Variants in GALNTL6 observed in about 807,000 individuals in gnomAD.
GALNTL6 encodes the protein polypeptide N-acetylgalactosaminyltransferase-like 6.
Under a neutral mutation model 73.7 loss-of-function variants are expected in GALNTL6, and 46 were observed. The ratio of observed to expected loss-of-function variants is 0.62; its 90% CI spans 0.49 to 0.80. The LOEUF (loss-of-function observed/expected upper bound fraction) is 0.80, where lower values mean the gene tolerates loss of function less well. Among genes scored for constraint, GALNTL6 ranks in the 30% least tolerant of loss-of-function variants. The pLI is 0.00. For missense variants in GALNTL6, 604 were observed against 755.0 expected, an observed-to-expected ratio of 0.80 and a Z score of 2.34; for synonymous variants, 259 against 263.7, an observed-to-expected ratio of 0.98 and a Z score of 0.17.
chr4:172,811,780 C>A (rs970759038), intron 6 of GALNTL6, among the ~76,000 whole-genome samples: 4 of 152,202 alleles, frequency 2.6e-5, no homozygotes, highest in Non-Finnish European at 5.9e-5. Context: ...CAGTATCCTG[C>A]ATTCCCCTTC....
chr4:172,975,444 A>G (rs537039609), intron 10 of GALNTL6, among the ~76,000 whole-genome samples: 1 of 152,298 alleles, frequency 6.6e-6, no homozygotes, highest in South Asian at 2.1e-4. Flanking sequence ...CGTCAGAAGA[A>G]GTGCATGCTG....
At chr4:172,595,537 A>G (rs1737819174) in intron 5 of GALNTL6, among the ~76,000 whole-genome samples, 1 of 152,194 alleles carries the variant, frequency 6.6e-6, no homozygotes, top group African/African-American at 2.4e-5. Context: ...CAATAGAGGG[A>G]AACATTCTAA....
At chr4:172,916,319 C>A (rs1747508152) in intron 8 of GALNTL6, among the ~76,000 whole-genome samples, 1 of 152,150 alleles carries the variant, frequency 6.6e-6, no homozygotes, top group African/African-American at 2.4e-5. Context: ...TGGAAGCATT[C>A]CCTTTGAAAA....
chr4:172,404,020 A>C (rs1271488221), intron 5 of GALNTL6, among the ~76,000 whole-genome samples: 2 of 151,936 alleles, frequency 1.3e-5, no homozygotes, highest in Non-Finnish European at 1.5e-5. Flanking sequence ...TTCTTTTACA[A>C]ATTTATTGCC....
At position 173,041,479 on chromosome 4, in the gene GALNTL6, G is replaced by A. The variant is rs1753882360; in HGVS notation, c.*1379G>A. On this transcript the variant is annotated 3_prime_UTR_variant, in exon 13 of 13. Coordinates refer to ENST00000506823, the MANE Select transcript of GALNTL6 (RefSeq NM_001034845.3). ...TATTATATATCTCTCAAGTTTTTTT[G>A]GTATAAAAATGTTTTAACTTTGCTT... 6.6e-6 allele frequency: 1 copy of A among 151,972 alleles called. No individual in the cohort carries two copies. Among genetic ancestry groups the A allele is most frequent in the African/African-American group, 2.4e-5 (1 of 41,400 alleles). The allele number at this position is 151,972 out of a possible 1,614,324, so 9.4% of individuals were successfully genotyped here. A position where few individuals can be genotyped will look rare whatever the true frequency, so the allele number is the denominator to read the frequency against.
At chr4:172,726,125 C>T (rs1469406385) in intron 5 of GALNTL6, among the ~76,000 whole-genome samples, 2 of 147,786 alleles carry the variant, frequency 1.4e-5, no homozygotes, top group African/African-American at 5.1e-5. Flanking sequence ...CGCTGAGGGT[C>T]CCAGTCGCTT....
intron 2 of GALNTL6, among the ~76,000 whole-genome samples, chr4:171,860,187 G>GT (rs1218178330): frequency 3.3e-5 from 5 of 152,032 alleles, no homozygotes; most frequent in East Asian, 1.9e-4. Context: ...ATTACCTTAG[G>GT]TTTTTTTCTC....
At chr4:172,607,950 C>A (rs1461580668) in intron 5 of GALNTL6, among the ~76,000 whole-genome samples, 1 of 151,788 alleles carries the variant, frequency 6.6e-6, no homozygotes, top group Non-Finnish European at 1.5e-5. Context: ...GTCATTTGTT[C>A]TTTGCATGTG....
intron 2 of GALNTL6, among the ~76,000 whole-genome samples, chr4:172,003,827 T>C (rs997324801): frequency 1.3e-5 from 2 of 152,104 alleles, no homozygotes; most frequent in Admixed American, 1.3e-4. Context: ...AGAAGGTCTT[T>C]ACACCCTACT....
chr4:172,479,952 C>A (rs188800494), intron 5 of GALNTL6, among the ~76,000 whole-genome samples: 15 of 152,260 alleles, frequency 9.9e-5, no homozygotes, highest in African/African-American at 3.4e-4. Flanking sequence ...AATAGAGGCA[C>A]TCATAGCAAA....
At chr4:172,140,275 C>T (rs963941067) in intron 2 of GALNTL6, among the ~76,000 whole-genome samples, 1 of 152,008 alleles carries the variant, frequency 6.6e-6, no homozygotes, top group Non-Finnish European at 1.5e-5. Context: ...CTTTAGGCTA[C>T]ATTCAGCAAG....
chr4:171,961,155 C>A (rs547387617), intron 2 of GALNTL6, among the ~76,000 whole-genome samples: 1 of 152,072 alleles, frequency 6.6e-6, no homozygotes, highest in African/African-American at 2.4e-5. Flanking sequence ...CCAATTGTGT[C>A]CCAAAGTCTG....
intron 2 of GALNTL6, among the ~76,000 whole-genome samples, chr4:172,208,064 T>C (rs1251044124): frequency 6.6e-6 from 1 of 152,114 alleles, no homozygotes; most frequent in Non-Finnish European, 1.5e-5. Flanking sequence ...AGTAGAATTG[T>C]GATATTTTAG....
At chr4:172,120,088 C>T (rs1733105987) in intron 2 of GALNTL6, among the ~76,000 whole-genome samples, 2 of 152,308 alleles carry the variant, frequency 1.3e-5, no homozygotes, top group South Asian at 2.1e-4. Context: ...TTTCTTCCCA[C>T]TTGACTACTT....
chr4:172,717,936 C>T (rs1056015601), intron 5 of GALNTL6, among the ~76,000 whole-genome samples: 4 of 152,208 alleles, frequency 2.6e-5, no homozygotes, highest in African/African-American at 4.8e-5. Context: ...CTACATTTTT[C>T]GTTCTAATGA....
intron 3 of GALNTL6, among the ~76,000 whole-genome samples, chr4:172,246,901 G>A (rs1038994943): frequency 1.2e-4 from 18 of 151,196 alleles, no homozygotes; most frequent in African/African-American, 4.4e-4. Context: ...AATGAGTTCT[G>A]GGGTAACCCT....
intron 2 of GALNTL6, among the ~76,000 whole-genome samples, chr4:172,073,040 T>A (rs1731594115): frequency 6.6e-6 from 1 of 152,184 alleles, no homozygotes; most frequent in Admixed American, 6.5e-5. Context: ...CGAAATACAA[T>A]TCTTAACATT....
chr4:172,744,644 A>G (rs977984022), intron 5 of GALNTL6, among the ~76,000 whole-genome samples: 4 of 152,082 alleles, frequency 2.6e-5, no homozygotes, highest in Admixed American at 6.6e-5. Flanking sequence ...CTGGGTGTCA[A>G]CACTTTGATT....
chr4:171,834,396 A>G (rs924032281), intron 2 of GALNTL6, among the ~76,000 whole-genome samples: 1 of 151,946 alleles, frequency 6.6e-6, no homozygotes, highest in Non-Finnish European at 1.5e-5. Flanking sequence ...TCCTTATTAC[A>G]ACATTGCTTT....
Sources: allele counts gnomAD v4.1 joint callset (sites outside exome capture counted in the v4.1 genomes callset), GRCh38; gene constraint gnomAD v4.1.1; transcripts MANE v1.5; gene names NCBI Gene and HGNC (gene_info 2026-07-23, HGNC 2026-07-21).